Variants in RETREG1 observed in about 807,000 individuals in gnomAD.
RETREG1 encodes family with sequence similarity 134 member B.
In RETREG1, 44 loss-of-function variants were observed where a neutral mutation model predicts 54.8. The observed-to-expected ratio is 0.80, with a 90% CI of 0.63 to 1.03. The LOEUF (loss-of-function observed/expected upper bound fraction) is 1.03, where lower values mean the gene tolerates loss of function less well. RETREG1 is among the 50% of genes least tolerant of loss of function. The pLI, the probability that RETREG1 is intolerant of heterozygous loss-of-function variation, is 0.00. For synonymous variants in RETREG1, 217 were observed against 238.5 expected (o/e 0.91, Z 0.83); for missense variants, 554 against 605.1 (o/e 0.92, Z 0.89).
intron 3 of RETREG1, among the ~76,000 whole-genome samples, chr5:16,487,847 C>T (rs1739077057): frequency 6.6e-6 from 1 of 152,224 alleles, no homozygotes; most frequent in Non-Finnish European, 1.5e-5. Flanking sequence ...TTTGGCTTCT[C>T]AGTAGAATTT....
intron 3 of RETREG1, among the ~76,000 whole-genome samples, chr5:16,527,800 A>ATTTTTTTTTTTTTGTTTTTT (rs1740761927): frequency 1.5e-5 from 1 of 66,250 alleles, no homozygotes; most frequent in Non-Finnish European, 2.7e-5. Context: ...AGGGACTCTA[A>ATTTTTTTTTTTTTGTTTTTT]TTTTTTTTTT....
intron 3 of RETREG1, among the ~76,000 whole-genome samples, chr5:16,555,564 T>A (rs1327275209): frequency 6.6e-6 from 1 of 152,234 alleles, no homozygotes; most frequent in Non-Finnish European, 1.5e-5. Context: ...TATGTCATTC[T>A]ACAAAAAGAC....
At chr5:16,488,493 G>A (rs543729032) in intron 3 of RETREG1, among the ~76,000 whole-genome samples, 1 of 152,324 alleles carries the variant, frequency 6.6e-6, no homozygotes, top group East Asian at 1.9e-4. Context: ...CAGTGCCAGA[G>A]AGTAGAGCAC....
In RETREG1 at chr5:16,481,037, A is replaced by C; in HGVS notation, c.642T>G (p.Ile214Met). 6.2e-7 allele frequency: 1 copy of C among 1,611,912 alleles called. No homozygotes were observed. The highest frequency in any genetic ancestry group is 8.5e-7 in the Non-Finnish European group (1 of 1,178,380). ...GTAGATAGCTGAGTATAACCCCAGGAATGTAACTTCCCAAGATCGTAAAAA... is the reference window on the plus strand; with the variant it reads ...GTAGATAGCTGAGTATAACCCCAGGCATGTAACTTCCCAAGATCGTAAAAA... ...CTFFTILGSY[I>M]PGVILSYLLL... is the part of the protein sequence containing the mutation. Residue 214 changes from isoleucine to methionine, a missense_variant, in exon 5 of 9, where the codon ATT becomes ATG. Transcript: ENST00000306320.
At chr5:16,544,320 T>A (rs573701295) in intron 3 of RETREG1, among the ~76,000 whole-genome samples, 6 of 152,228 alleles carry the variant, frequency 3.9e-5, no homozygotes, top group Non-Finnish European at 8.8e-5. Flanking sequence ...GGAAAAAATG[T>A]ATTTTATCAG....
intron 1 of RETREG1, among the ~76,000 whole-genome samples, chr5:16,573,959 C>A (rs553123354): frequency 1.3e-5 from 2 of 152,224 alleles, no homozygotes; most frequent in East Asian, 3.9e-4. Context: ...GTTGGCCAGG[C>A]TGGTCTCAAA....
chr5:16,614,147 A>C (rs912238183), intron 1 of RETREG1, among the ~76,000 whole-genome samples: 1 of 152,242 alleles, frequency 6.6e-6, no homozygotes, highest in Admixed American at 6.5e-5. Context: ...GTATAAATAA[A>C]ATGGATGGAA....
intron 2 of RETREG1, among the ~76,000 whole-genome samples, chr5:16,569,088 G>C: frequency 6.6e-6 from 1 of 152,122 alleles, no homozygotes. Context: ...ACTGTGCCCT[G>C]CAGAGACTGA....
intron 1 of RETREG1, among the ~76,000 whole-genome samples, chr5:16,577,242 C>T (rs937320977): frequency 4.0e-5 from 6 of 150,580 alleles, no homozygotes; most frequent in Non-Finnish European, 7.4e-5. Flanking sequence ...TTTTGTGTAG[C>T]CTATAAGTTG....
At chr5:16,488,986 G>A (rs1437010224) in intron 3 of RETREG1, among the ~76,000 whole-genome samples, 1 of 150,462 alleles carries the variant, frequency 6.6e-6, no homozygotes, top group Non-Finnish European at 1.5e-5. Flanking sequence ...AGGAGGCTGA[G>A]GCAGGAGAAT....
intron 3 of RETREG1, among the ~76,000 whole-genome samples, chr5:16,499,513 C>G (rs1334225855): frequency 6.6e-6 from 1 of 152,114 alleles, no homozygotes; most frequent in African/African-American, 2.4e-5. Flanking sequence ...GATTCTGCAC[C>G]AATAGATGGC....
intron 3 of RETREG1, among the ~76,000 whole-genome samples, chr5:16,523,844 A>G (rs536341070): frequency 6.6e-6 from 1 of 152,268 alleles, no homozygotes; most frequent in East Asian, 1.9e-4. Flanking sequence ...GTGTTTTCAC[A>G]TACTTTGGGC....
chr5:16,514,914 A>AT (rs1740297607), intron 3 of RETREG1, among the ~76,000 whole-genome samples: 2 of 110,270 alleles, frequency 1.8e-5, no homozygotes, highest in African/African-American at 6.5e-5. Flanking sequence ...TATATATATA[A>AT]TATATATTAT....
intron 1 of RETREG1, among the ~76,000 whole-genome samples, chr5:16,590,502 A>C (rs1198213221): frequency 6.6e-6 from 1 of 152,242 alleles, no homozygotes; most frequent in Non-Finnish European, 1.5e-5. Context: ...ACAAGTAGTA[A>C]TATAAAACTT....
At chr5:16,512,656 G>A (rs970107640) in intron 3 of RETREG1, among the ~76,000 whole-genome samples, 1 of 151,710 alleles carries the variant, frequency 6.6e-6, no homozygotes, top group East Asian at 1.9e-4. Flanking sequence ...CACTAGGAGA[G>A]ACCTTCCCCC....
chr5:16,551,894 C>T (rs1026073994), intron 3 of RETREG1, among the ~76,000 whole-genome samples: 1 of 152,150 alleles, frequency 6.6e-6, no homozygotes, highest in Non-Finnish European at 1.5e-5. Flanking sequence ...CTAGAGGCCA[C>T]CTGTTTTCCT....
In RETREG1 at chr5:16,478,981, C is replaced by A; in HGVS notation, c.677G>T (p.Cys226Phe). 1 of 1,611,688 alleles carries A rather than the reference C, an allele frequency of 6.2e-7. No individual in the cohort carries two copies. The highest frequency in any genetic ancestry group is 8.5e-7 in the Non-Finnish European group (1 of 1,178,674). ...TTTAAACAATGGACACAAAAATGCA[C>A]ACAGTACTGAAAGAAGAAAGAGAGC... ...GVILSYLLLLCAFLCPLFKCN... is the reference protein window; with the variant it reads ...GVILSYLLLLFAFLCPLFKCN... Residue 226 changes from cysteine to phenylalanine, a missense_variant, in exon 6 of 9, where the codon TGT (cysteine) becomes TTT (phenylalanine). Physicochemically the swap from Cys to Phe is radical, Grantham distance 205. Transcript: ENST00000306320.
At chr5:16,485,878 G>A (rs1258742704) in intron 3 of RETREG1, among the ~76,000 whole-genome samples, 1 of 152,006 alleles carries the variant, frequency 6.6e-6, no homozygotes, top group African/African-American at 2.4e-5. Flanking sequence ...GGAAAATACT[G>A]TTATCAAAAA....
chr5:16,528,288 T>C (rs1302911182), intron 3 of RETREG1, among the ~76,000 whole-genome samples: 1 of 152,174 alleles, frequency 6.6e-6, no homozygotes, highest in African/African-American at 2.4e-5. Context: ...TTTTTACATA[T>C]ATTAACATAA....
Sources: allele counts gnomAD v4.1 joint callset (sites outside exome capture counted in the v4.1 genomes callset), GRCh38; gene constraint gnomAD v4.1.1; transcripts MANE v1.5; gene names NCBI Gene and HGNC (gene_info 2026-07-23, HGNC 2026-07-21).